AGBL4: variants seen among roughly 807,000 people sequenced by gnomAD.
AGBL4 encodes the protein AGBL carboxypeptidase 4.
Under a neutral mutation model 66.4 loss-of-function variants are expected in AGBL4, and 58 were observed. The ratio of observed to expected loss-of-function variants is 0.87; its 90% CI spans 0.71 to 1.09. AGBL4 has a LOEUF of 1.09. Ranked by LOEUF, AGBL4 falls within the 50% of genes least tolerant of loss-of-function variation. The pLI, the probability that AGBL4 is intolerant of heterozygous loss-of-function variation, is 0.00. For missense variants in AGBL4, 579 were observed against 631.0 expected (o/e 0.92, Z 0.88); for synonymous variants, 234 against 222.9 (o/e 1.05, Z -0.44).
intron 2 of AGBL4, among the ~76,000 whole-genome samples, chr1:49,705,571 T>C (rs1647194681): frequency 6.6e-6 from 1 of 152,176 alleles, no homozygotes; most frequent in Non-Finnish European, 1.5e-5. Flanking sequence ...GAACTTTCAA[T>C]ACTATGTTGA....
At chr1:49,898,150 G>A (rs1018427576) in intron 1 of AGBL4, among the ~76,000 whole-genome samples, 1 of 151,964 alleles carries the variant, frequency 6.6e-6, no homozygotes, top group Non-Finnish European at 1.5e-5. Context: ...CACAGCAAAC[G>A]AAATAATCAA....
intron 6 of AGBL4, among the ~76,000 whole-genome samples, chr1:48,719,227 C>T (rs1329109246): frequency 1.3e-5 from 2 of 152,152 alleles, no homozygotes; most frequent in African/African-American, 4.8e-5. Context: ...GTCTGACACA[C>T]CTCCATGGGC....
chr1:49,411,563 T>A (rs1287745715), intron 3 of AGBL4, among the ~76,000 whole-genome samples: 1 of 152,128 alleles, frequency 6.6e-6, no homozygotes, highest in Non-Finnish European at 1.5e-5. Flanking sequence ...TGACACAGTA[T>A]GTATAAAAAG....
chr1:49,995,361 G>A (rs1198077652), intron 1 of AGBL4: 3 of 444,164 alleles, frequency 6.8e-6, no homozygotes, highest in African/African-American at 2.0e-5. Flanking sequence ...GCTGGATGAG[G>A]CCTGTCACTG....
chr1:49,305,299 A>G (rs1302194843), intron 3 of AGBL4, among the ~76,000 whole-genome samples: 2 of 152,224 alleles, frequency 1.3e-5, no homozygotes, highest in African/African-American at 2.4e-5. Context: ...AAAGAAACCA[A>G]TTACAGTCAT....
At chr1:48,662,457 C>A (rs1557862694) in intron 7 of AGBL4, among the ~76,000 whole-genome samples, 1 of 152,222 alleles carries the variant, frequency 6.6e-6, no homozygotes, top group Non-Finnish European at 1.5e-5. Context: ...TTTCATATCT[C>A]TTTGACCTCA....
At chr1:49,395,460 G>A (rs1644938063) in intron 3 of AGBL4, among the ~76,000 whole-genome samples, 2 of 150,388 alleles carry the variant, frequency 1.3e-5, no homozygotes, top group South Asian at 2.1e-4. Context: ...ATAGGAAAAA[G>A]GAAAAAATGA....
intron 3 of AGBL4, among the ~76,000 whole-genome samples, chr1:49,365,065 A>ATTGT (rs2148542773): frequency 1.3e-5 from 2 of 152,338 alleles, no homozygotes; most frequent in Non-Finnish European, 2.9e-5. Flanking sequence ...GATAACAATT[A>ATTGT]TTGTTAGTAA....
chr1:48,666,496 C>T (rs184372719), intron 6 of AGBL4, among the ~76,000 whole-genome samples: 6 of 152,334 alleles, frequency 3.9e-5, no homozygotes, highest in Admixed American at 1.3e-4. Flanking sequence ...TTTGAAGTAA[C>T]GTGCTTTGTG....
At chr1:49,713,419 T>C (rs1157616482) in intron 2 of AGBL4, among the ~76,000 whole-genome samples, 1 of 152,074 alleles carries the variant, frequency 6.6e-6, no homozygotes, top group African/African-American at 2.4e-5. Flanking sequence ...TTCTATACAA[T>C]TCATTGACAG....
At chr1:49,858,736 G>T (rs1055656475) in intron 1 of AGBL4, among the ~76,000 whole-genome samples, 1 of 152,038 alleles carries the variant, frequency 6.6e-6, no homozygotes, top group Non-Finnish European at 1.5e-5. Context: ...CATGAAAAAG[G>T]CCAGGCAAGG....
chr1:49,832,411 C>T (rs61785463), intron 2 of AGBL4, among the ~76,000 whole-genome samples: 21 of 148,590 alleles, frequency 1.4e-4, no homozygotes, highest in Non-Finnish European at 3.0e-4. Flanking sequence ...GGACATTTGG[C>T]TTGGTTCCAA....
At chr1:49,126,922 T>C (rs1430099762) in intron 4 of AGBL4, among the ~76,000 whole-genome samples, 1 of 152,124 alleles carries the variant, frequency 6.6e-6, no homozygotes, top group African/African-American at 2.4e-5. Flanking sequence ...GCTCTGACTA[T>C]AGATTCTGTC....
At chr1:49,312,308 A>G (rs1644955578) in intron 3 of AGBL4, among the ~76,000 whole-genome samples, 1 of 152,082 alleles carries the variant, frequency 6.6e-6, no homozygotes, top group Non-Finnish European at 1.5e-5. Flanking sequence ...GGATGCAGCA[A>G]CAAGGTGTCA....
At chr1:49,791,139 T>C (rs911338693) in intron 2 of AGBL4, among the ~76,000 whole-genome samples, 3 of 152,118 alleles carry the variant, frequency 2.0e-5, no homozygotes, top group African/African-American at 4.8e-5. Flanking sequence ...TGTAAAGTGA[T>C]ATAATATTGG....
At chr1:49,724,758 A>AC (rs1271077973) in intron 2 of AGBL4, among the ~76,000 whole-genome samples, 2 of 152,120 alleles carry the variant, frequency 1.3e-5, no homozygotes, top group African/African-American at 4.8e-5. Flanking sequence ...AAGAAGAGAC[A>AC]CCAGAAAGAT....
chr1:48,980,602 A>AGGCAGGAGGAATACTTGAG (rs1360292377), intron 5 of AGBL4, among the ~76,000 whole-genome samples: 3 of 151,434 alleles, frequency 2.0e-5, no homozygotes, highest in African/African-American at 7.3e-5. Flanking sequence ...TGGGAGGGTG[A>AGGCAGGAGGAATACTTGAG]GGCAGGAGGA....
intron 3 of AGBL4, among the ~76,000 whole-genome samples, chr1:49,397,397 C>A (rs1324414191): frequency 6.6e-6 from 1 of 152,136 alleles, no homozygotes; most frequent in African/African-American, 2.4e-5. Flanking sequence ...GTGGGTGAAG[C>A]AGGTGCTTTC....
chr1:49,381,213 G>A (rs1644599178), intron 3 of AGBL4, among the ~76,000 whole-genome samples: 1 of 152,140 alleles, frequency 6.6e-6, no homozygotes, highest in African/African-American at 2.4e-5. Flanking sequence ...CTCAAAAGAA[G>A]ACATTTATGC....
Sources: allele counts gnomAD v4.1 joint callset (sites outside exome capture counted in the v4.1 genomes callset), GRCh38; gene constraint gnomAD v4.1.1; transcripts MANE v1.5; gene names NCBI Gene and HGNC (gene_info 2026-07-23, HGNC 2026-07-21).